LRGUK: variants seen among roughly 807,000 people sequenced by gnomAD.
LRGUK encodes the protein leucine rich repeats and guanylate kinase domain containing.
A neutral mutation model predicts 76.0 loss-of-function variants in LRGUK; 65 were observed. The ratio of observed to expected loss-of-function variants is 0.85; its 90% confidence interval spans 0.70 to 1.05. The LOEUF is 1.05. LRGUK is among the 50% of genes least tolerant of loss of function. The probability of loss-of-function intolerance (pLI) is 0.00; values close to 1 mark genes in which losing one functional copy is unlikely to be tolerated. For synonymous variants in LRGUK, 268 were observed against 265.6 expected (o/e 1.01, Z -0.09); for missense variants, 758 against 732.8 (o/e 1.03, Z -0.40).
At chr7:134,232,414 G>A (rs530687355) in intron 16 of LRGUK, among the ~76,000 whole-genome samples, 33 of 152,248 alleles carry the variant, frequency 2.2e-4, no homozygotes, top group African/African-American at 6.7e-4. Context: ...GAGTAGCTGG[G>A]ATTACAGGCA....
downstream of LRGUK, among the ~76,000 whole-genome samples, chr7:134,267,672 T>C (rs1272869222): frequency 6.6e-6 from 1 of 152,162 alleles, no homozygotes; most frequent in Non-Finnish European, 1.5e-5. Flanking sequence ...CCTTCTGCCA[T>C]GATTGTGAGG....
chr7:134,199,982 T>TTC (rs1554469578), intron 14 of LRGUK, among the ~76,000 whole-genome samples: 1 of 38,412 alleles, frequency 2.6e-5, no homozygotes, highest in African/African-American at 9.6e-5. Flanking sequence ...CTAGAAACTT[T>TTC]TATATATATA....
intron 3 of LRGUK, among the ~76,000 whole-genome samples, chr7:134,140,055 G>A (rs1487612880): frequency 6.6e-6 from 1 of 152,006 alleles, no homozygotes; most frequent in African/African-American, 2.4e-5. Flanking sequence ...TGCAACCTCC[G>A]CCTCCTGGGT....
At chr7:134,237,215 C>A (rs1320241377) in intron 16 of LRGUK, among the ~76,000 whole-genome samples, 4 of 151,906 alleles carry the variant, frequency 2.6e-5, no homozygotes, top group Admixed American at 6.6e-5. Context: ...CCACCATGCC[C>A]AGCTAATTTT....
chr7:134,204,585 A>C (rs936497849), intron 15 of LRGUK, among the ~76,000 whole-genome samples: 1 of 152,202 alleles, frequency 6.6e-6, no homozygotes, highest in Non-Finnish European at 1.5e-5. Flanking sequence ...GTGTTTTCTG[A>C]AGCCAACCAC....
chr7:134,210,084 A>G (rs73441353), exon 16 of LRGUK: 20 of 399,202 alleles, frequency 5.0e-5, no homozygotes, highest in East Asian at 4.6e-4. Context: ...GGGGCTAGGG[A>G]AAAAAAGCTC....
At chr7:134,137,113 C>A (rs1255596371) in exon 2 of LRGUK, 9 of 1,611,336 alleles carry the variant, frequency 5.6e-6, no homozygotes, top group African/African-American at 1.3e-5. Flanking sequence ...GCAAGTCTAC[C>A]TCAATCTAAC....
chr7:134,235,698 G>A (rs1215924921), intron 16 of LRGUK, among the ~76,000 whole-genome samples: 1 of 152,136 alleles, frequency 6.6e-6, no homozygotes, highest in Non-Finnish European at 1.5e-5. Context: ...TACGATGCTA[G>A]GCACATAGTA....
At position 134,166,523 on chromosome 7, in the gene LRGUK, C is replaced by A. The variant is rs1798991080; in HGVS notation, c.939+2983C>A. 2.0e-5 allele frequency among the ~76,000 whole-genome samples: 3 copies of A among 152,154 alleles called. No individual in the cohort carries two copies. In the South Asian group the frequency reaches 6.2e-4, roughly 32 times the overall value. On this transcript the variant is annotated intron_variant, in intron 7 of 15. Coordinates refer to ENST00000645682, the Ensembl canonical transcript of LRGUK. ...TCTAAGTCTCAGTGTCGTTATGTCA[C>A]ACTGTTGGTTCCCAATTACTTTTCT...
At position 134,207,410 on chromosome 7, in the gene LRGUK, C is replaced by T. The variant is rs1801055531; in HGVS notation, c.1844-1297C>T. ...TTCACAGTTTTATTTTTCAATTTAA[C>T]CTTGTTTCTTGTCTAAGCTAGTATT... On this transcript the variant is annotated intron_variant, in intron 15 of 15. Coordinates refer to ENST00000645682, the Ensembl canonical transcript of LRGUK. 2.0e-5 allele frequency among the ~76,000 whole-genome samples: 3 copies of T among 152,114 alleles called. No homozygotes were observed. The South Asian group carries it at 6.2e-4, about 32-fold the overall frequency.
At chr7:134,217,925 TA>T (rs971017334) in intron 15 of LRGUK, among the ~76,000 whole-genome samples, 5 of 151,480 alleles carry the variant, frequency 3.3e-5, no homozygotes, top group South Asian at 2.1e-4. Flanking sequence ...TTCCTTTGTT[TA>T]AAAAAAAACC....
intron 16 of LRGUK, among the ~76,000 whole-genome samples, chr7:134,224,925 G>A (rs976964249): frequency 2.0e-5 from 3 of 151,688 alleles, no homozygotes; most frequent in African/African-American, 7.3e-5. Context: ...AGTGGCTCGC[G>A]CTTGTGGTCC....
chr7:134,154,028 G>A (rs1373374106), intron 5 of LRGUK, among the ~76,000 whole-genome samples: 1 of 152,168 alleles, frequency 6.6e-6, no homozygotes, highest in Non-Finnish European at 1.5e-5. Flanking sequence ...ATATGTTGTT[G>A]GGCTTTACCC....
At chr7:134,149,939 C>T (rs976323621) in intron 5 of LRGUK, among the ~76,000 whole-genome samples, 1 of 151,332 alleles carries the variant, frequency 6.6e-6, no homozygotes, top group Non-Finnish European at 1.5e-5. Flanking sequence ...TTTAATAAGA[C>T]CCCCCCAAAG....
chr7:134,182,734 G>A (rs1008146693), intron 10 of LRGUK, among the ~76,000 whole-genome samples: 1 of 149,948 alleles, frequency 6.7e-6, no homozygotes, highest in Non-Finnish European at 1.5e-5. Flanking sequence ...TGTTCAGTGT[G>A]TTGCAGGAGA....
intron 8 of LRGUK, among the ~76,000 whole-genome samples, chr7:134,175,827 T>G (rs1246233799): frequency 6.6e-6 from 1 of 152,214 alleles, no homozygotes; most frequent in East Asian, 1.9e-4. Context: ...AAAAGGCAGA[T>G]AATCCTGATG....
At chr7:134,193,623 G>C (rs1800353239) in intron 12 of LRGUK, among the ~76,000 whole-genome samples, 1 of 152,150 alleles carries the variant, frequency 6.6e-6, no homozygotes, top group African/African-American at 2.4e-5. Flanking sequence ...TCAGGATAAT[G>C]TAATTTTCTT....
downstream of LRGUK, among the ~76,000 whole-genome samples, chr7:134,212,586 G>T (rs144400644): frequency 2.8e-3 from 419 of 152,260 alleles, 2 homozygotes; most frequent in Non-Finnish European, 4.7e-3. Flanking sequence ...GCCAGTAATT[G>T]CCCTCTGATT....
chr7:134,242,756 G>A (rs866410914), intron 16 of LRGUK, among the ~76,000 whole-genome samples: 6 of 151,984 alleles, frequency 3.9e-5, no homozygotes, highest in Non-Finnish European at 7.4e-5. Context: ...ACAAAAAAAA[G>A]AGAATTTAGA....
Sources: gnomAD v4.1 joint callset for allele counts (sites outside exome capture counted in the v4.1 genomes callset) on GRCh38, gnomAD v4.1.1 for gene constraint, MANE v1.5 for transcripts, NCBI Gene and HGNC (gene_info 2026-07-23, HGNC 2026-07-21) for gene names.